Variants in ULK4 observed in about 807,000 individuals in gnomAD.
ULK4 encodes inactive serine/threonine-protein kinase ULK4.
A neutral mutation model predicts 160.6 loss-of-function variants in ULK4; 133 were observed. The observed-to-expected ratio is 0.83, with a 90% CI of 0.72 to 0.96. The LOEUF is 0.96. ULK4 is among the 40% of genes least tolerant of loss of function. ULK4 has a pLI of 0.00. For missense variants in ULK4, 1,580 were observed against 1,499.5 expected, an observed-to-expected ratio of 1.05 and a Z score of -0.89; for synonymous variants, 534 against 539.8, an observed-to-expected ratio of 0.99 and a Z score of 0.15.
At chr3:41,830,066 T>G (rs1559589098) in intron 18 of ULK4, among the ~76,000 whole-genome samples, 3 of 151,862 alleles carry the variant, frequency 2.0e-5, no homozygotes, top group Non-Finnish European at 2.9e-5. Flanking sequence ...AAACACCGCA[T>G]GTTCTCACTC....
chr3:41,319,835 G>A (rs1176252226), intron 35 of ULK4, among the ~76,000 whole-genome samples: 1 of 152,146 alleles, frequency 6.6e-6, no homozygotes, highest in Non-Finnish European at 1.5e-5. Context: ...ATGAATAAAT[G>A]GTGGAGCCAG....
At chr3:41,709,895 G>A (rs748978054) in intron 25 of ULK4, among the ~76,000 whole-genome samples, 19 of 152,216 alleles carry the variant, frequency 1.2e-4, no homozygotes, top group African/African-American at 3.6e-4. Flanking sequence ...AGTAGTGTAC[G>A]TAACAACAAT....
chr3:41,816,326 T>C (rs1456499953), intron 19 of ULK4, among the ~76,000 whole-genome samples: 3 of 152,308 alleles, frequency 2.0e-5, no homozygotes, highest in Admixed American at 2.0e-4. Context: ...TTATTACAGC[T>C]TTCTTTTCTT....
intron 35 of ULK4, among the ~76,000 whole-genome samples, chr3:41,383,318 C>T (rs546791506): frequency 1.3e-5 from 2 of 152,084 alleles, no homozygotes; most frequent in Non-Finnish European, 2.9e-5. Flanking sequence ...AGGTTGGTCT[C>T]GAACTCTTGA....
chr3:41,894,805 C>G (rs1698095485), intron 16 of ULK4, among the ~76,000 whole-genome samples: 2 of 152,190 alleles, frequency 1.3e-5, no homozygotes, highest in Admixed American at 6.5e-5. Context: ...GTCCCACCCA[C>G]AGTCCCCAGG....
At chr3:41,654,209 A>G (rs978449041) in intron 30 of ULK4, among the ~76,000 whole-genome samples, 4 of 152,224 alleles carry the variant, frequency 2.6e-5, no homozygotes, top group Non-Finnish European at 4.4e-5. Context: ...TATCTATTCT[A>G]AATATACTTA....
chr3:41,748,249 T>C (rs1435846050), intron 22 of ULK4, among the ~76,000 whole-genome samples: 2 of 150,690 alleles, frequency 1.3e-5, no homozygotes, highest in East Asian at 1.9e-4. Flanking sequence ...ACACCATATA[T>C]AGAGATCATA....
At chr3:41,527,979 T>C (rs1197140410) in intron 32 of ULK4, among the ~76,000 whole-genome samples, 1 of 152,208 alleles carries the variant, frequency 6.6e-6, no homozygotes, top group African/African-American at 2.4e-5. Flanking sequence ...TCGAGAATTA[T>C]AAATGTATGA....
chr3:41,934,546 A>C (rs1455797496), intron 4 of ULK4, among the ~76,000 whole-genome samples: 1 of 152,236 alleles, frequency 6.6e-6, no homozygotes, highest in Non-Finnish European at 1.5e-5. Flanking sequence ...TAGAAACTTA[A>C]CCTAAATATA....
intron 35 of ULK4, among the ~76,000 whole-genome samples, chr3:41,388,059 T>C (rs1003245377): frequency 1.8e-4 from 28 of 152,286 alleles, no homozygotes; most frequent in East Asian, 7.7e-4. Flanking sequence ...TTGTAATGAT[T>C]GCCATTCTAA....
chr3:41,744,952 C>T (rs533679582), intron 22 of ULK4, among the ~76,000 whole-genome samples: 1 of 151,252 alleles, frequency 6.6e-6, no homozygotes, highest in African/African-American at 2.4e-5. Flanking sequence ...ATAAGACATC[C>T]CTAAATAATA....
At chr3:41,856,518 T>TATATATATTTATAC (rs2042341175) in intron 17 of ULK4, among the ~76,000 whole-genome samples, 1 of 119,646 alleles carries the variant, frequency 8.4e-6, no homozygotes, top group Non-Finnish European at 1.6e-5. Flanking sequence ...AATAAATATA[T>TATATATATTTATAC]ATATATATAT....
intron 21 of ULK4, among the ~76,000 whole-genome samples, chr3:41,759,192 G>A (rs1200757567): frequency 6.6e-6 from 1 of 151,786 alleles, no homozygotes; most frequent in African/African-American, 2.4e-5. Context: ...AGTATAAGAA[G>A]AAAAATAAAT....
chr3:41,906,335 C>T (rs1164134662), intron 12 of ULK4, among the ~76,000 whole-genome samples: 4 of 151,428 alleles, frequency 2.6e-5, no homozygotes, highest in South Asian at 2.1e-4. Flanking sequence ...GACCAGCTTA[C>T]GCAAAATAGT....
At chr3:41,807,114 C>A (rs1252912549) in intron 19 of ULK4, among the ~76,000 whole-genome samples, 2 of 151,502 alleles carry the variant, frequency 1.3e-5, no homozygotes, top group African/African-American at 4.9e-5. Context: ...GGCAATACAG[C>A]CAGATCTTGT....
intron 32 of ULK4, among the ~76,000 whole-genome samples, chr3:41,546,072 G>C (rs1559382787): frequency 6.6e-6 from 1 of 152,196 alleles, no homozygotes; most frequent in East Asian, 1.9e-4. Flanking sequence ...TCCAACATCT[G>C]GGTAATATTG....
intron 32 of ULK4, among the ~76,000 whole-genome samples, chr3:41,466,853 GATA>G (rs1263925057): frequency 6.6e-6 from 1 of 151,922 alleles, no homozygotes; most frequent in Non-Finnish European, 1.5e-5. Flanking sequence ...CCCACAACTC[GATA>G]ATAAAAGTAC....
intron 35 of ULK4, among the ~76,000 whole-genome samples, chr3:41,313,330 T>C (rs906912529): frequency 1.3e-5 from 2 of 152,246 alleles, no homozygotes; most frequent in Non-Finnish European, 2.9e-5. Flanking sequence ...AGTTAATGTA[T>C]GTAATGTGCT....
intron 17 of ULK4, among the ~76,000 whole-genome samples, chr3:41,856,489 A>C (rs2042337365): frequency 7.1e-6 from 1 of 141,424 alleles, no homozygotes; most frequent in African/African-American, 2.7e-5. Context: ...CTCCATGAGG[A>C]CACATTAATA....
Sources: gnomAD v4.1 joint callset for allele counts (sites outside exome capture counted in the v4.1 genomes callset) on GRCh38, gnomAD v4.1.1 for gene constraint, MANE v1.5 for transcripts, NCBI Gene and HGNC (gene_info 2026-07-23, HGNC 2026-07-21) for gene names.